The following CEP152 variants were observed in gnomAD, a reference collection of about 807,000 sequenced individuals.
CEP152 encodes the protein centrosomal protein of 152 kDa.
A neutral mutation model predicts 188.9 loss-of-function variants in CEP152; 132 were observed. That is an observed-to-expected ratio of 0.70 (90% CI 0.61 to 0.81). The LOEUF (loss-of-function observed/expected upper bound fraction) is 0.81, where lower values mean the gene tolerates loss of function less well. CEP152 is among the 30% of genes least tolerant of loss of function. CEP152 has a pLI of 0.00. For missense variants in CEP152, 1,914 were observed against 1,969.8 expected, an observed-to-expected ratio of 0.97 and a Z score of 0.54; for synonymous variants, 649 against 666.6, an observed-to-expected ratio of 0.97 and a Z score of 0.41.
intron 13 of CEP152, among the ~76,000 whole-genome samples, chr15:48,772,188 A>T (rs1456847623): frequency 2.0e-5 from 3 of 152,136 alleles, no homozygotes; most frequent in African/African-American, 7.2e-5. Flanking sequence ...AGGTGGGAGG[A>T]TTGCTTGAGC....
chr15:48,766,979 G>C, intron 17 of CEP152, 81 bp downstream of exon 17: 1 of 1,573,690 alleles, frequency 6.4e-7, no homozygotes, highest in Non-Finnish European at 8.7e-7. Flanking sequence ...CACTTCTCTA[G>C]AACAAATGTA....
At chr15:48,797,158 A>T (rs952066249) in intron 5 of CEP152, 143 bp downstream of exon 5, 2 of 866,204 alleles carry the variant, frequency 2.3e-6, no homozygotes, top group Admixed American at 1.9e-5. Flanking sequence ...ATTCACCATG[A>T]ACCTGAATAA....
chr15:48,797,546 C>G lies in CEP152; in HGVS notation c.295G>C (p.Glu99Gln). 6.2e-7 allele frequency: 1 copy of G among 1,614,078 alleles called. No homozygotes were observed. The highest frequency in any genetic ancestry group is 1.1e-5 in the South Asian group (1 of 91,088). ...YNEIQSLYAG[E>Q]KCGNVWEENR... ...TCTTCCCAGACATTACCACATTTTT[C>G]TCCAGCATATAAACTCTGAATTTCA... The change falls in exon 5 of 27, where the codon GAA becomes CAA. Residue 99 changes from glutamate to glutamine, a missense_variant. Physicochemically the swap from Glu to Gln is conservative, Grantham distance 29. Transcript: ENST00000380950.
chr15:48,739,466 A>G (rs1030840138), intron 26 of CEP152, among the ~76,000 whole-genome samples, 178 bp from the exon 27 acceptor site: 1 of 152,214 alleles, frequency 6.6e-6, no homozygotes, highest in Admixed American at 6.5e-5. Context: ...TCAATGCTGG[A>G]CATTTAAAAA....
At chr15:48,741,790 C>A in intron 25 of CEP152, 86 bp from the exon 26 acceptor site, 1 of 1,610,054 alleles carries the variant, frequency 6.2e-7, no homozygotes, top group East Asian at 2.2e-5. Flanking sequence ...TTCCTATTGG[C>A]TCTGCCAACA....
At chr15:48,742,664 T>G (rs1339825582) in intron 24 of CEP152, among the ~76,000 whole-genome samples, 1 of 152,042 alleles carries the variant, frequency 6.6e-6, no homozygotes. Flanking sequence ...ATAAGAGATA[T>G]GTACAAAATG....
intron 26 of CEP152, chr15:48,740,595 G>GT (rs1157687805): frequency 1.7e-5 from 1 of 57,632 alleles, no homozygotes; most frequent in Non-Finnish European, 3.8e-5. Flanking sequence ...TACGTTCTAT[G>GT]TTTTTGTTGG....
chr15:48,777,672 C>A (rs984072648), intron 12 of CEP152, among the ~76,000 whole-genome samples: 2 of 151,714 alleles, frequency 1.3e-5, no homozygotes, highest in Admixed American at 1.3e-4. Flanking sequence ...CTTCTATTTC[C>A]ATTGAAGTAG....
In CEP152 at chr15:48,798,018, T is replaced by C. The variant is rs766693008; in HGVS notation, c.121A>G (p.Met41Val). ...QQLLTDLPHD[M>V]LDDDLSSPEL... ...GGAGAGGAGAGGTCGTCATCCAGCA[T>C]GTCATGGGGAAGGTCTGTGAGTAAC... Residue 41 changes from methionine (M) to valine (V), a missense_variant, in exon 3 of 27, where the codon ATG becomes GTG. Met to Val is a conservative substitution (Grantham distance 21). Transcript: ENST00000380950. 4 of 1,614,014 alleles carry C rather than the reference T, an allele frequency of 2.5e-6. No homozygotes were observed. In the South Asian group the frequency reaches 3.3e-5, roughly 13 times the overall value.
At position 48,741,610 on chromosome 15, in the gene CEP152, T is replaced by C; in HGVS notation, c.4084A>G (p.Thr1362Ala). The change falls in exon 26 of 27, where the codon ACA (threonine) becomes GCA (alanine). Residue 1362 changes from threonine (T) to alanine (A), a missense_variant. Thr to Ala is a moderately conservative substitution (Grantham distance 58, BLOSUM62 0). Coordinates refer to ENST00000380950, the MANE Select transcript of CEP152 (RefSeq NM_001194998.2). ...ACTCACTTTGACATACCTGACTGTGTAGTTTTGCTTTGGGACTTACTAGAA... is the reference window on the plus strand; with the variant it reads ...ACTCACTTTGACATACCTGACTGTGCAGTTTTGCTTTGGGACTTACTAGAA... ...PISSKSQSKT[T>A]QSALPLTSEM... 1 of 1,614,152 alleles carries C rather than the reference T, an allele frequency of 6.2e-7. No individual in the cohort carries two copies. The highest frequency in any genetic ancestry group is 8.5e-7 in the Non-Finnish European group (1 of 1,180,006).
chr15:48,741,560 GA>G, intron 26 of CEP152, 40 bp downstream of exon 26: 1 of 1,613,664 alleles, frequency 6.2e-7, no homozygotes, highest in East Asian at 2.2e-5. Context: ...AGCTAAAGAA[GA>G]AAAGATAGAA....
intron 22 of CEP152, 80 bp from the exon 23 acceptor site, chr15:48,745,072 G>C: frequency 1.0e-6 from 1 of 982,698 alleles, no homozygotes. Context: ...CAATACAAAT[G>C]TTTATAGAAG....
intron 9 of CEP152, among the ~76,000 whole-genome samples, chr15:48,788,395 G>A (rs1441073476): frequency 6.8e-6 from 1 of 147,702 alleles, no homozygotes; most frequent in African/African-American, 2.5e-5. Flanking sequence ...GTGCAGTGGT[G>A]CGATCTCAGC....
At chr15:48,744,395 C>T (rs1893256287) in intron 23 of CEP152, 52 bp from the exon 24 acceptor site, 1 of 1,604,866 alleles carries the variant, frequency 6.2e-7, no homozygotes, top group Admixed American at 1.7e-5. Context: ...TGAAAAATTT[C>T]ATTTGAAAAA....
chr15:48,789,074 T>C (rs191648698), intron 8 of CEP152, 73 bp from the exon 9 acceptor site: 1 of 1,271,950 alleles, frequency 7.9e-7, no homozygotes, highest in African/African-American at 1.5e-5. Context: ...GTCTATAAAC[T>C]TTTACTTTTA....
At chr15:48,744,553 C>T (rs950933366) in intron 23 of CEP152, among the ~76,000 whole-genome samples, 1 of 151,852 alleles carries the variant, frequency 6.6e-6, no homozygotes, top group Non-Finnish European at 1.5e-5. Flanking sequence ...AACAGTAAAT[C>T]CACATGAAAA....
chr15:48,809,719 C>T (rs1224403226), intron 1 of CEP152, among the ~76,000 whole-genome samples: 2 of 152,142 alleles, frequency 1.3e-5, no homozygotes, highest in African/African-American at 2.4e-5. Flanking sequence ...TCACAAGATA[C>T]TACATGTAAA....
Position 48,745,434 on chromosome 15 carries a change from T to C in CEP152, c.3635-442A>G, listed in dbSNP as rs577040258. 4.6e-4 allele frequency among the ~76,000 whole-genome samples: 67 copies of C among 146,054 alleles called. No individual in the cohort carries two copies. The South Asian group carries it at 0.015, about 32-fold the overall frequency. On this transcript the variant is annotated intron_variant, in intron 22 of 26. Transcript: ENST00000380950. Reference sequence around the variant, plus strand: ...TGTCTTTTTCAGAAATAATGTAAGATTTTCAATTCTTTGAACTTTGTGTGT... The same window carrying C: ...TGTCTTTTTCAGAAATAATGTAAGACTTTCAATTCTTTGAACTTTGTGTGT...
chr15:48,739,724 G>T (rs1566972507), intron 26 of CEP152, among the ~76,000 whole-genome samples: 1 of 152,134 alleles, frequency 6.6e-6, no homozygotes, highest in East Asian at 1.9e-4. Context: ...TAGCTAAATA[G>T]ACTTTCTGAT....
Sources: allele counts gnomAD v4.1 joint callset (sites outside exome capture counted in the v4.1 genomes callset), GRCh38; gene constraint gnomAD v4.1.1; transcripts MANE v1.5; gene names NCBI Gene and HGNC (gene_info 2026-07-23, HGNC 2026-07-21).